The following UGGT2 variants were observed in gnomAD, a reference collection of about 807,000 sequenced individuals.
UGGT2 encodes the protein UDP-glucose glycoprotein glucosyltransferase 2.
UGGT2 carries 180 observed loss-of-function variants against 192.1 expected under a neutral mutation model. The ratio of observed to expected loss-of-function variants is 0.94; its 90% CI spans 0.83 to 1.06. The LOEUF (loss-of-function observed/expected upper bound fraction) is 1.06, where lower values mean the gene tolerates loss of function less well. UGGT2 is among the 50% of genes least tolerant of loss of function. The pLI is 0.00. For synonymous variants in UGGT2, 580 were observed against 591.0 expected (o/e 0.98, Z 0.27); for missense variants, 1,849 against 1,795.7 (o/e 1.03, Z -0.54).
chr13:95,889,230 A>C (rs2047731988), intron 25 of UGGT2, among the ~76,000 whole-genome samples: 1 of 152,186 alleles, frequency 6.6e-6, no homozygotes, highest in Non-Finnish European at 1.5e-5. Flanking sequence ...CTTTCTAAAG[A>C]ATAATCTGAA....
Position 96,053,398 on chromosome 13 carries a change from G to C in UGGT2, c.-86C>G, listed in dbSNP as rs939867006. 9.4e-5 allele frequency: 141 copies of C among 1,503,106 alleles called. No individual in the cohort carries two copies. Among genetic ancestry groups the C allele is most frequent in the Admixed American group, 5.5e-4 (25 of 45,698 alleles). 93.1% of individuals were successfully genotyped at this position (1,503,106 alleles called of 1,614,324 possible). On this transcript the variant is annotated 5_prime_UTR_variant, in exon 1 of 39. Transcript: ENST00000376747. ...CTTCGGCCGGCTCTTCCCGCTGCGCGGCTGCCCACTTCCGGTGGGAGGAGC... is the reference window on the plus strand; with the variant it reads ...CTTCGGCCGGCTCTTCCCGCTGCGCCGCTGCCCACTTCCGGTGGGAGGAGC...
At chr13:95,928,269 C>T (rs2049102442) in intron 17 of UGGT2, among the ~76,000 whole-genome samples, 1 of 151,712 alleles carries the variant, frequency 6.6e-6, no homozygotes, top group Admixed American at 6.6e-5. Context: ...CCCCTACCTC[C>T]TGGACGGGGC....
chr13:95,814,132 T>C (rs1884704972), intron 38 of UGGT2, among the ~76,000 whole-genome samples: 1 of 152,198 alleles, frequency 6.6e-6, no homozygotes, highest in Non-Finnish European at 1.5e-5. Flanking sequence ...AAAAGTGGGA[T>C]TGTACCCCCC....
chr13:95,974,611 TTC>T (rs1358951598), intron 10 of UGGT2, among the ~76,000 whole-genome samples: 2 of 152,188 alleles, frequency 1.3e-5, no homozygotes, highest in East Asian at 1.9e-4. Flanking sequence ...TTACAAATTC[TTC>T]TCTTTCCTCT....
chr13:96,013,331 C>G lies in UGGT2; in HGVS notation c.636G>C (p.Leu212=). The change falls in exon 5 of 39, where the codon CTG becomes CTC. Residue 212 remains leucine (L), a synonymous_variant. Transcript: ENST00000376747. ...CCTGAATATAATGGCGAAGAACATACAGAATTTCCTCATTTTGAGCTTTTT... is the reference window on the plus strand; with the variant it reads ...CCTGAATATAATGGCGAAGAACATAGAGAATTTCCTCATTTTGAGCTTTTT... ...LSEKAQNEEI[L]YVLRHYIQKP... is the part of the protein sequence containing the mutation. 1 of 1,601,304 alleles carries G rather than the reference C, an allele frequency of 6.2e-7. No homozygotes were observed. The highest frequency in any genetic ancestry group is 1.7e-4 in the Middle Eastern group (1 of 6,032).
intron 9 of UGGT2, chr13:95,985,379 C>A: frequency 1.2e-6 from 1 of 813,104 alleles, no homozygotes; most frequent in Non-Finnish European, 1.7e-6. Flanking sequence ...AAGGTACCAC[C>A]AAAAAATCCT....
intron 17 of UGGT2, among the ~76,000 whole-genome samples, chr13:95,928,147 T>A (rs1594353025): frequency 1.3e-5 from 2 of 152,342 alleles, no homozygotes; most frequent in East Asian, 3.9e-4. Flanking sequence ...ACCGCCATCG[T>A]CATCATGGCC....
intron 37 of UGGT2, among the ~76,000 whole-genome samples, chr13:95,835,221 C>T (rs909001834): frequency 1.3e-5 from 2 of 152,152 alleles, no homozygotes; most frequent in African/African-American, 4.8e-5. Context: ...GAAGCAGTTA[C>T]AGGTGGACAA....
At chr13:95,909,798 C>CCAA (rs1446467199) in intron 20 of UGGT2, among the ~76,000 whole-genome samples, 1 of 44,128 alleles carries the variant, frequency 2.3e-5, no homozygotes, top group Non-Finnish European at 4.8e-5. Flanking sequence ...TTCCTGCCCA[C>CCAA]TAAAAAAAAA....
chr13:95,831,521 T>C (rs1272123590), intron 38 of UGGT2, among the ~76,000 whole-genome samples: 1 of 152,142 alleles, frequency 6.6e-6, no homozygotes, highest in Non-Finnish European at 1.5e-5. Flanking sequence ...ACCAATTGTC[T>C]ATTGATGGAC....
At chr13:96,018,417 G>A (rs1178633224) in intron 4 of UGGT2, among the ~76,000 whole-genome samples, 1 of 152,168 alleles carries the variant, frequency 6.6e-6, no homozygotes, top group East Asian at 1.9e-4. Flanking sequence ...TCAGGAGGCT[G>A]AGGCAGAAGT....
At chr13:96,034,076 C>A (rs1179869060) in intron 1 of UGGT2, among the ~76,000 whole-genome samples, 1 of 152,170 alleles carries the variant, frequency 6.6e-6, no homozygotes, top group Non-Finnish European at 1.5e-5. Flanking sequence ...TCAGCACACA[C>A]TTACCCCCCT....
Position 96,023,133 on chromosome 13 carries a change from G to T in UGGT2, c.392C>A (p.Pro131Gln). The change falls in exon 4 of 39, where the codon CCA becomes CAA. Residue 131 changes from proline (P) to glutamine (Q), a missense_variant. Transcript: ENST00000376747. ...MFQQIAADEP[P>Q]PDGCNAFVVI... ...CACAAATGCATTACAACCATCTGGT[G>T]GTGGCTCATCAGCTGCAATCTAAGA... 1 of 1,587,646 alleles carries T rather than the reference G, an allele frequency of 6.3e-7. No individual in the cohort carries two copies.
chr13:95,821,743 G>GT (rs1885538459), intron 38 of UGGT2, among the ~76,000 whole-genome samples: 1 of 152,154 alleles, frequency 6.6e-6, no homozygotes, highest in African/African-American at 2.4e-5. Flanking sequence ...TTTGTATAAG[G>GT]TGAGAAATGG....
At chr13:95,807,715 CCTTT>C (rs1884376484) in intron 38 of UGGT2, among the ~76,000 whole-genome samples, 1 of 48,066 alleles carries the variant, frequency 2.1e-5, no homozygotes, top group East Asian at 4.2e-4. Flanking sequence ...TCAGCCCTCA[CCTTT>C]TTTTTTTTTT....
At chr13:95,843,366 T>C (rs1277089672) in intron 36 of UGGT2, among the ~76,000 whole-genome samples, 1 of 152,238 alleles carries the variant, frequency 6.6e-6, no homozygotes, top group African/African-American at 2.4e-5. Flanking sequence ...TAATCACTAA[T>C]GATGTTTAGC....
chr13:95,906,657 G>C (rs1168661804), intron 20 of UGGT2, among the ~76,000 whole-genome samples: 1 of 152,186 alleles, frequency 6.6e-6, no homozygotes, highest in African/African-American at 2.4e-5. Context: ...GATATCCACA[G>C]CCAGACACAC....
intron 5 of UGGT2, among the ~76,000 whole-genome samples, chr13:96,006,761 T>C (rs931572778): frequency 3.3e-5 from 5 of 151,336 alleles, no homozygotes; most frequent in Non-Finnish European, 7.4e-5. Flanking sequence ...AGCAAGAAAC[T>C]GAGCAGAACA....
rs578144467 is a variant in UGGT2, at chr13:95,829,185, G to T, written c.4528+3742C>A. 1.3e-4 allele frequency among the ~76,000 whole-genome samples: 20 copies of T among 152,080 alleles called. No homozygotes were observed. In the East Asian group the frequency reaches 2.7e-3, roughly 21 times the overall value. ...GGACGTATCTCAAAATAATAAGAGCGATTTATGACAAACCCACAGCCAGTA... is the reference window on the plus strand; with the variant it reads ...GGACGTATCTCAAAATAATAAGAGCTATTTATGACAAACCCACAGCCAGTA... On this transcript the variant is annotated intron_variant, in intron 38 of 38. Coordinates refer to ENST00000376747, the MANE Select transcript of UGGT2 (RefSeq NM_020121.4).
Sources: gnomAD v4.1 joint callset for allele counts (sites outside exome capture counted in the v4.1 genomes callset) on GRCh38, gnomAD v4.1.1 for gene constraint, MANE v1.5 for transcripts, NCBI Gene and HGNC (gene_info 2026-07-23, HGNC 2026-07-21) for gene names.